Variants in GRID2 observed in about 807,000 individuals in gnomAD.
GRID2 encodes the protein glutamate receptor ionotropic, delta-2.
A neutral mutation model predicts 114.8 loss-of-function variants in GRID2; 33 were observed. The ratio of observed to expected loss-of-function variants is 0.29; its 90% CI spans 0.22 to 0.38. GRID2 has a LOEUF of 0.38. Among genes scored for constraint, GRID2 ranks in the 10% least tolerant of loss-of-function variants. GRID2 has a pLI of 1.00. For synonymous variants in GRID2, 505 were observed against 449.9 expected, an observed-to-expected ratio of 1.12 and a Z score of -1.55; for missense variants, 1,184 against 1,257.7, an observed-to-expected ratio of 0.94 and a Z score of 0.89.
intron 11 of GRID2, among the ~76,000 whole-genome samples, chr4:93,471,081 G>A (rs4693323): frequency 0.24 from 36,705 of 151,768 alleles, 5,432 homozygotes; most frequent in Non-Finnish European, 0.34. Flanking sequence ...AAGCCTAGTG[G>A]AATAAAGATA....
At chr4:92,421,560 C>A (rs1378984722) in intron 1 of GRID2, among the ~76,000 whole-genome samples, 1 of 152,068 alleles carries the variant, frequency 6.6e-6, no homozygotes, top group Non-Finnish European at 1.5e-5. Flanking sequence ...CTGCTGTAGG[C>A]CCACTGCTAA....
chr4:93,457,394 A>G (rs532187450), intron 11 of GRID2, among the ~76,000 whole-genome samples: 1 of 152,220 alleles, frequency 6.6e-6, no homozygotes, highest in African/African-American at 2.4e-5. Flanking sequence ...TAGTCCAAGC[A>G]GAGAGGATCT....
At chr4:93,044,014 G>A in intron 2 of GRID2, among the ~76,000 whole-genome samples, 1 of 151,878 alleles carries the variant, frequency 6.6e-6, no homozygotes, top group East Asian at 1.9e-4. Flanking sequence ...AAGTAATGAA[G>A]AAAGTGATAG....
At chr4:93,768,239 T>G (rs1489801553) in intron 14 of GRID2, among the ~76,000 whole-genome samples, 1 of 152,172 alleles carries the variant, frequency 6.6e-6, no homozygotes, top group Non-Finnish European at 1.5e-5. Flanking sequence ...CACTAAGCTG[T>G]TTGGCCAGGA....
intron 2 of GRID2, among the ~76,000 whole-genome samples, chr4:92,669,277 T>C (rs1732934436): frequency 6.6e-6 from 1 of 151,924 alleles, no homozygotes; most frequent in Non-Finnish European, 1.5e-5. Flanking sequence ...TGCTACTCTA[T>C]GCCTTATAAT....
At chr4:93,328,100 C>T (rs571283636) in intron 8 of GRID2, among the ~76,000 whole-genome samples, 173 of 150,652 alleles carry the variant, frequency 1.1e-3, no homozygotes, top group Non-Finnish European at 1.0e-3. Flanking sequence ...CCTGGGTGAA[C>T]GAGCAAGACT....
chr4:92,685,043 A>G (rs913701202), intron 2 of GRID2, among the ~76,000 whole-genome samples: 10 of 152,098 alleles, frequency 6.6e-5, no homozygotes, highest in Non-Finnish European at 1.5e-5. Context: ...ATAATAAACC[A>G]TATAATGCTT....
intron 13 of GRID2, among the ~76,000 whole-genome samples, chr4:93,565,962 A>G (rs1735369863): frequency 6.6e-6 from 1 of 152,166 alleles, no homozygotes; most frequent in African/African-American, 2.4e-5. Context: ...TAACCCAACA[A>G]AGGTTTATTT....
At chr4:93,329,101 A>C (rs1758161197) in intron 8 of GRID2, among the ~76,000 whole-genome samples, 1 of 152,148 alleles carries the variant, frequency 6.6e-6, no homozygotes, top group African/African-American at 2.4e-5. Flanking sequence ...TCAATTAGAG[A>C]CTTAAGAGGA....
chr4:93,372,849 A>C (rs1261526048), intron 8 of GRID2, among the ~76,000 whole-genome samples: 1 of 152,198 alleles, frequency 6.6e-6, no homozygotes, highest in Non-Finnish European at 1.5e-5. Flanking sequence ...CCAACTTGTA[A>C]GATAATTATG....
chr4:93,731,388 G>A (rs762555478), intron 14 of GRID2, among the ~76,000 whole-genome samples: 3 of 152,116 alleles, frequency 2.0e-5, no homozygotes, highest in East Asian at 3.9e-4. Flanking sequence ...AAGGGAGAGC[G>A]GACAGGAATC....
intron 14 of GRID2, among the ~76,000 whole-genome samples, chr4:93,687,514 C>T (rs1475069528): frequency 1.3e-5 from 2 of 151,882 alleles, no homozygotes; most frequent in Non-Finnish European, 2.9e-5. Context: ...AAACAAAGAA[C>T]ACCAAAAAGT....
At chr4:92,348,827 C>T (rs1727916634) in intron 1 of GRID2, among the ~76,000 whole-genome samples, 1 of 152,052 alleles carries the variant, frequency 6.6e-6, no homozygotes, top group African/African-American at 2.4e-5. Context: ...AGTAAACAAA[C>T]TCTGTGGAAT....
At chr4:92,631,677 T>G (rs909634797) in intron 2 of GRID2, among the ~76,000 whole-genome samples, 1 of 152,170 alleles carries the variant, frequency 6.6e-6, no homozygotes, top group Non-Finnish European at 1.5e-5. Context: ...GAACAAAACA[T>G]GTTTTTAACA....
At chr4:92,994,411 G>A (rs747697502) in intron 2 of GRID2, among the ~76,000 whole-genome samples, 3 of 151,992 alleles carry the variant, frequency 2.0e-5, no homozygotes, top group East Asian at 1.9e-4. Context: ...GGAGTGCAAC[G>A]GCGGGATCTT....
chr4:93,460,545 A>G (rs1271085649), intron 11 of GRID2, among the ~76,000 whole-genome samples: 1 of 152,066 alleles, frequency 6.6e-6, no homozygotes, highest in Admixed American at 6.5e-5. Flanking sequence ...CTCAACATGT[A>G]TTTGTCATAG....
intron 1 of GRID2, among the ~76,000 whole-genome samples, chr4:92,367,522 G>T (rs928116534): frequency 1.3e-5 from 2 of 151,986 alleles, no homozygotes; most frequent in South Asian, 2.1e-4. Flanking sequence ...AAGGGAAAGA[G>T]AATTGCTTTA....
intron 2 of GRID2, among the ~76,000 whole-genome samples, chr4:92,647,767 T>C (rs79727218): frequency 0.058 from 8,639 of 149,728 alleles, 544 homozygotes; most frequent in East Asian, 0.16. Context: ...ACATTCCATA[T>C]ACAAGTTTGG....
chr4:93,565,165 G>C (rs1021808134), intron 13 of GRID2, among the ~76,000 whole-genome samples: 1 of 151,806 alleles, frequency 6.6e-6, no homozygotes, highest in African/African-American at 2.4e-5. Context: ...TAGCAATAAA[G>C]ATTATAAATA....
Sources: allele counts gnomAD v4.1 joint callset (sites outside exome capture counted in the v4.1 genomes callset), GRCh38; gene constraint gnomAD v4.1.1; transcripts MANE v1.5; gene names NCBI Gene and HGNC (gene_info 2026-07-23, HGNC 2026-07-21).